BRDT: variants seen among roughly 807,000 people sequenced by gnomAD.
BRDT encodes the protein bromodomain testis-specific protein.
In BRDT, 77 loss-of-function variants were observed where a neutral mutation model predicts 113.9. The ratio of observed to expected loss-of-function variants is 0.68; its 90% CI spans 0.56 to 0.82. BRDT has a LOEUF of 0.82. Ranked by LOEUF, BRDT falls within the 40% of genes least tolerant of loss-of-function variation. The pLI is 0.00. For missense variants in BRDT, 1,027 were observed against 1,105.4 expected (o/e 0.93, Z 1.01); for synonymous variants, 358 against 366.5 (o/e 0.98, Z 0.26).
chr1:91,987,526 C>T (rs1442329471), intron 12 of BRDT, among the ~76,000 whole-genome samples: 7 of 151,082 alleles, frequency 4.6e-5, no homozygotes, highest in Admixed American at 6.6e-5. Context: ...TTAGTAGAGA[C>T]GGGGTTTCGC....
intron 3 of BRDT, among the ~76,000 whole-genome samples, chr1:91,967,023 T>G (rs1026061271): frequency 2.0e-5 from 3 of 152,066 alleles, no homozygotes; most frequent in Non-Finnish European, 2.9e-5. Flanking sequence ...GAGCCGAGAT[T>G]GCGCCACTGT....
At chr1:92,008,926 T>C (rs1424559892) in intron 18 of BRDT, among the ~76,000 whole-genome samples, 1 of 152,246 alleles carries the variant, frequency 6.6e-6, no homozygotes, top group Non-Finnish European at 1.5e-5. Flanking sequence ...CATTGTGGAA[T>C]GGCTACATCA....
intron 7 of BRDT, among the ~76,000 whole-genome samples, chr1:91,978,678 T>C (rs181961015): frequency 8.5e-5 from 13 of 152,158 alleles, no homozygotes; most frequent in Admixed American, 4.6e-4. Context: ...AATAGAATGA[T>C]CTACCAACTA....
At chr1:91,992,131 C>A in intron 13 of BRDT, 133 bp from the exon 14 acceptor site, 1 of 413,530 alleles carries the variant, frequency 2.4e-6, no homozygotes, top group Non-Finnish European at 4.2e-6. Flanking sequence ...TATGTAACAA[C>A]ATCTAACTAG....
intron 1 of BRDT, among the ~76,000 whole-genome samples, chr1:91,961,096 A>T (rs1284068541): frequency 6.6e-6 from 1 of 152,186 alleles, no homozygotes; most frequent in East Asian, 1.9e-4. Context: ...GGATCACCTG[A>T]GGTCAGGAGT....
chr1:91,956,844 G>A (rs1365345859), intron 1 of BRDT, among the ~76,000 whole-genome samples: 2 of 152,134 alleles, frequency 1.3e-5, no homozygotes, highest in African/African-American at 4.8e-5. Context: ...GAAACTGAGG[G>A]AGGAGGATTG....
At chr1:91,964,524 GCT>G in intron 2 of BRDT, 101 bp from the exon 3 acceptor site, 1 of 698,266 alleles carries the variant, frequency 1.4e-6, no homozygotes, top group Non-Finnish European at 2.1e-6. Context: ...ATAATCAGTT[GCT>G]CTCTCTAGTT....
intron 18 of BRDT, among the ~76,000 whole-genome samples, chr1:92,013,174 C>G (rs747754495): frequency 7.2e-6 from 1 of 138,444 alleles, no homozygotes; most frequent in South Asian, 2.3e-4. Flanking sequence ...GCTGAGATCA[C>G]GCCACTGCAC....
intron 5 of BRDT, among the ~76,000 whole-genome samples, chr1:91,976,772 G>T (rs1387782784): frequency 1.3e-5 from 2 of 151,970 alleles, no homozygotes; most frequent in African/African-American, 4.8e-5. Context: ...TTTGGTATAT[G>T]ACTTTGATTT....
chr1:91,960,815 TATTTC>T (rs1195571725), intron 1 of BRDT, among the ~76,000 whole-genome samples: 1 of 152,230 alleles, frequency 6.6e-6, no homozygotes, highest in Non-Finnish European at 1.5e-5. Flanking sequence ...ATGGGCAACT[TATTTC>T]ATTTTCATTT....
intron 4 of BRDT, among the ~76,000 whole-genome samples, chr1:91,971,147 T>C (rs1683594265): frequency 6.6e-6 from 1 of 152,018 alleles, no homozygotes; most frequent in Admixed American, 6.6e-5. Flanking sequence ...CCAGCTCTTC[T>C]GTGAACTCAT....
chr1:92,010,693 T>C (rs1687717762), intron 18 of BRDT, among the ~76,000 whole-genome samples: 1 of 152,200 alleles, frequency 6.6e-6, no homozygotes, highest in African/African-American at 2.4e-5. Context: ...CCCCAGTGTA[T>C]TAATTTTCAT....
chr1:91,963,492 C>T (rs1682722803), intron 2 of BRDT, among the ~76,000 whole-genome samples: 1 of 152,066 alleles, frequency 6.6e-6, no homozygotes, highest in Non-Finnish European at 1.5e-5. Context: ...TGTCACTTCA[C>T]CTTTTGGATG....
intron 1 of BRDT, among the ~76,000 whole-genome samples, chr1:91,962,037 C>T (rs111277814): frequency 0.037 from 5,222 of 142,238 alleles, 103 homozygotes; most frequent in Non-Finnish European, 0.051. Context: ...CCCAGCTACT[C>T]GGGAGGCGGA....
At chr1:91,954,899 T>C (rs554943982) in intron 1 of BRDT, among the ~76,000 whole-genome samples, 93 of 152,154 alleles carry the variant, frequency 6.1e-4, no homozygotes, top group Non-Finnish European at 1.2e-3. Context: ...AGATCGAGGC[T>C]TCAGTGAGCA....
At chr1:91,989,289 A>G (rs917176612) in intron 12 of BRDT, among the ~76,000 whole-genome samples, 7 of 152,182 alleles carry the variant, frequency 4.6e-5, no homozygotes, top group African/African-American at 1.7e-4. Context: ...ATATACATAT[A>G]TGATCATATT....
intron 16 of BRDT, among the ~76,000 whole-genome samples, chr1:92,002,601 T>A (rs1182846434): frequency 6.6e-6 from 1 of 152,154 alleles, no homozygotes; most frequent in Non-Finnish European, 1.5e-5. Context: ...CTCCTGATCT[T>A]AGGTGATCCA....
At position 91,981,712 on chromosome 1, in the gene BRDT, C is replaced by T; in HGVS notation, c.1959C>T (p.Ser653=). Residue 653 remains serine, a synonymous_variant, in exon 12 of 19, where the codon AGC becomes AGT. Coordinates refer to ENST00000399546, the MANE Select transcript of BRDT (RefSeq NM_207189.4). ...GCAGCTCATCAGAGTCTGAAAGTAG[C>T]AGCAGTGACTTAAGCTCTTCAGACA... ...SSSSSSESES[S]SSDLSSSDSS... 6.2e-7 allele frequency: 1 copy of T among 1,614,162 alleles called. No individual in the cohort carries two copies. The highest frequency in any genetic ancestry group is 1.3e-5 in the African/African-American group (1 of 75,054).
At chr1:91,978,891 G>C (rs535491610) in intron 7 of BRDT, among the ~76,000 whole-genome samples, 45 of 151,426 alleles carry the variant, frequency 3.0e-4, no homozygotes, top group African/African-American at 9.4e-4. Flanking sequence ...CCAGCTGCTG[G>C]GGGCGCTGAG....
Sources: gnomAD v4.1 joint callset for allele counts (sites outside exome capture counted in the v4.1 genomes callset) on GRCh38, gnomAD v4.1.1 for gene constraint, MANE v1.5 for transcripts, NCBI Gene and HGNC (gene_info 2026-07-23, HGNC 2026-07-21) for gene names.